RBFOX1: variants seen among roughly 807,000 people sequenced by gnomAD.
RBFOX1 encodes RNA binding protein fox-1 homolog 1.
Under a neutral mutation model 57.7 loss-of-function variants are expected in RBFOX1, and 8 were observed. The observed-to-expected ratio is 0.14, with a 90% confidence interval of 0.08 to 0.25. RBFOX1 has a LOEUF of 0.25. Ranked by LOEUF, RBFOX1 falls within the 10% of genes least tolerant of loss-of-function variation. The probability of loss-of-function intolerance (pLI) is 1.00; values close to 1 mark genes in which losing one functional copy is unlikely to be tolerated. For synonymous variants in RBFOX1, 326 were observed against 222.4 expected (o/e 1.47, Z -4.15); for missense variants, 611 against 548.5 (o/e 1.11, Z -1.14).
intron 2 of RBFOX1, among the ~76,000 whole-genome samples, chr16:6,638,796 G>C (rs887857): frequency 0.56 from 85,646 of 152,004 alleles, 25,768 homozygotes; most frequent in South Asian, 0.81. Context: ...GCAGGTGTTT[G>C]GGTGATGGCC....
At chr16:6,272,647 G>A (rs2075331566) in intron 1 of RBFOX1, among the ~76,000 whole-genome samples, 1 of 152,172 alleles carries the variant, frequency 6.6e-6, no homozygotes, top group African/African-American at 2.4e-5. Context: ...TGTAAATGAA[G>A]TATAAAGTGG....
chr16:6,020,172 C>G (rs953693099), intron 1 of RBFOX1, among the ~76,000 whole-genome samples, 180 bp downstream of exon 1: 1 of 152,044 alleles, frequency 6.6e-6, no homozygotes, highest in Admixed American at 6.5e-5. Flanking sequence ...GTGTCCCCCC[C>G]TACCCCCAGG....
intron 1 of RBFOX1, among the ~76,000 whole-genome samples, chr16:6,274,360 C>T (rs1374446415): frequency 1.3e-5 from 2 of 152,060 alleles, no homozygotes; most frequent in African/African-American, 2.4e-5. Flanking sequence ...CAAAATACAA[C>T]CCAGTAACAA....
chr16:5,638,260 G>A (rs2048750583), intron 3 of RBFOX1, among the ~76,000 whole-genome samples: 1 of 152,330 alleles, frequency 6.6e-6, no homozygotes, highest in Non-Finnish European at 1.5e-5. Flanking sequence ...CACCCAGACA[G>A]GTGGAAGAGC....
At chr16:6,109,037 C>G (rs547549819) in intron 1 of RBFOX1, among the ~76,000 whole-genome samples, 23 of 152,262 alleles carry the variant, frequency 1.5e-4, no homozygotes, top group African/African-American at 5.1e-4. Flanking sequence ...GGCGATTATT[C>G]AGCTTAATAC....
chr16:6,854,503 C>G (rs1603632643), intron 3 of RBFOX1, among the ~76,000 whole-genome samples: 1 of 151,270 alleles, frequency 6.6e-6, no homozygotes, highest in Non-Finnish European at 1.5e-5. Context: ...GAAGTTGGGA[C>G]TTTCTCTCAG....
rs1249231369 is a variant in RBFOX1 at position 7,713,164 on chromosome 16, A to G, written c.*2419A>G. The G allele has an allele frequency of 1.3e-5, 2 of 152,188 alleles. No homozygotes were observed. Among genetic ancestry groups the G allele is most frequent in the African/African-American group, 4.8e-5 (2 of 41,446 alleles). 9.4% of individuals were successfully genotyped at this position (152,188 alleles called of 1,614,324 possible). On this transcript the variant is annotated 3_prime_UTR_variant, in exon 16 of 16. Transcript: ENST00000550418. ...CTATTGCTATTATGAATTATGGAAA[A>G]TTAATATTATGTGTGGCATATAGTG...
intron 4 of RBFOX1, among the ~76,000 whole-genome samples, chr16:7,219,482 C>G (rs981934213): frequency 2.7e-4 from 41 of 152,198 alleles, no homozygotes; most frequent in Admixed American, 1.1e-3. Flanking sequence ...ATAAATGCAT[C>G]TTTCCCTGAA....
At chr16:6,102,471 A>G (rs1567459657) in intron 1 of RBFOX1, among the ~76,000 whole-genome samples, 1 of 152,284 alleles carries the variant, frequency 6.6e-6, no homozygotes, top group East Asian at 1.9e-4. Flanking sequence ...ATTGCACGTC[A>G]ACGGCTGAGG....
rs373698343 is a variant in RBFOX1 at position 6,446,556 on chromosome 16, T to C, written c.-64+129499T>C. Among the ~76,000 whole-genome samples, 152 of 152,308 alleles carry C rather than the reference T, an allele frequency of 1.0e-3. 1 individual carries two copies. Among genetic ancestry groups the C allele is most frequent in the African/African-American group, 3.3e-3 (136 of 41,564 alleles). ...ATGCCTTCTGTATTCAAGTGATGAA[T>C]GTGGGACCCTAGGGGGCAGTGCTGG... On this transcript the variant is annotated intron_variant, in intron 2 of 15. Coordinates refer to ENST00000550418, the MANE Select transcript of RBFOX1 (RefSeq NM_018723.4).
chr16:6,939,794 C>T (rs899427299), intron 3 of RBFOX1, among the ~76,000 whole-genome samples: 1 of 152,076 alleles, frequency 6.6e-6, no homozygotes, highest in Non-Finnish European at 1.5e-5. Flanking sequence ...TTACAGATGT[C>T]AGCCATCATG....
chr16:6,758,360 C>A (rs1014364574), intron 3 of RBFOX1, among the ~76,000 whole-genome samples: 5 of 152,040 alleles, frequency 3.3e-5, no homozygotes, highest in African/African-American at 1.2e-4. Flanking sequence ...ATCAAAGTAG[C>A]AGAATGCTAT....
rs147777688 is a variant in RBFOX1, at chr16:7,505,803, G to A, written c.28-12344G>A. Among the ~76,000 whole-genome samples, 1,487 of 152,238 alleles carry A rather than the reference G, an allele frequency of 9.8e-3. 30 individuals are homozygous for A. Among genetic ancestry groups the A allele is most frequent in the African/African-American group, 0.035 (1,442 of 41,542 alleles). ...TGAAATGAGACAAGTAGCTTTGCTG[G>A]AATCTGTAACATGGATTCTGTCATC... is the stretch of plus-strand genomic sequence containing the variant. On this transcript the variant is annotated intron_variant, in intron 4 of 15. Coordinates refer to ENST00000550418, the MANE Select transcript of RBFOX1 (RefSeq NM_018723.4).
chr16:6,625,249 A>G (rs1364757645), intron 2 of RBFOX1, among the ~76,000 whole-genome samples: 1 of 151,282 alleles, frequency 6.6e-6, no homozygotes, highest in African/African-American at 2.4e-5. Flanking sequence ...CAATTATTTA[A>G]TTGCAGTTGA....
intron 3 of RBFOX1, among the ~76,000 whole-genome samples, chr16:6,903,378 A>G (rs2068951521): frequency 6.6e-6 from 1 of 152,228 alleles, no homozygotes; most frequent in Non-Finnish European, 1.5e-5. Context: ...CATTGCACAG[A>G]TTCTAACATA....
At chr16:6,425,225 A>C (rs2152995073) in intron 2 of RBFOX1, among the ~76,000 whole-genome samples, 1 of 152,298 alleles carries the variant, frequency 6.6e-6, no homozygotes, top group South Asian at 2.1e-4. Flanking sequence ...CTACTTCCAT[A>C]TGCAGACAGG....
intron 4 of RBFOX1, among the ~76,000 whole-genome samples, chr16:7,117,490 G>C (rs2066171933): frequency 6.6e-6 from 1 of 151,976 alleles, no homozygotes; most frequent in African/African-American, 2.4e-5. Context: ...TGTGAGTTTA[G>C]GAAAATATCT....
rs569363563 is a variant in RBFOX1 at position 6,350,444 on chromosome 16, G to GAAAA, written c.-64+33439_-64+33442dup. On this transcript the variant is annotated intron_variant, in intron 2 of 15. Transcript: ENST00000550418. ...CAACAAGAGTGAAACTCTGTCTCAA[G>GAAAA]AAAAAAAAAAAAAAAAAAAAAAAAA... Among the ~76,000 whole-genome samples, 7 of 74,666 alleles carry GAAAA rather than the reference G, an allele frequency of 9.4e-5. 1 individual carries two copies. Among genetic ancestry groups the GAAAA allele is most frequent in the Non-Finnish European group, 1.2e-4 (5 of 40,942 alleles). 49.0% of individuals were successfully genotyped at this position (74,666 alleles called of 152,430 possible).
At chr16:5,835,248 A>G (rs1458462747) in intron 3 of RBFOX1, among the ~76,000 whole-genome samples, 1 of 152,168 alleles carries the variant, frequency 6.6e-6, no homozygotes, top group Non-Finnish European at 1.5e-5. Flanking sequence ...GCACGTGACA[A>G]TACTCGGCTG....
Sources: gnomAD v4.1 joint callset for allele counts (sites outside exome capture counted in the v4.1 genomes callset) on GRCh38, gnomAD v4.1.1 for gene constraint, MANE v1.5 for transcripts, NCBI Gene and HGNC (gene_info 2026-07-23, HGNC 2026-07-21) for gene names.